GRM5: variants seen among roughly 807,000 people sequenced by gnomAD.
The protein encoded by GRM5 is metabotropic glutamate receptor 5.
A neutral mutation model predicts 83.1 loss-of-function variants in GRM5; 19 were observed. The ratio of observed to expected loss-of-function variants is 0.23; its 90% CI spans 0.16 to 0.34. The LOEUF (loss-of-function observed/expected upper bound fraction) is 0.34, where lower values mean the gene tolerates loss of function less well. Among genes scored for constraint, GRM5 ranks in the 10% least tolerant of loss-of-function variants. The pLI is 1.00. For missense variants in GRM5, 1,160 were observed against 1,588.3 expected (o/e 0.73, Z 4.58); for synonymous variants, 675 against 633.6 (o/e 1.07, Z -0.98).
At chr11:88,800,127 G>C (rs1486031025) in intron 3 of GRM5, among the ~76,000 whole-genome samples, 1 of 152,150 alleles carries the variant, frequency 6.6e-6, no homozygotes, top group African/African-American at 2.4e-5. Context: ...AAACCTCGGG[G>C]CTGGCAGGGA....
intron 3 of GRM5, among the ~76,000 whole-genome samples, chr11:88,826,747 T>A (rs2135515319): frequency 6.6e-6 from 1 of 152,252 alleles, no homozygotes; most frequent in Non-Finnish European, 1.5e-5. Flanking sequence ...GAATGCATGG[T>A]AACAAATTCT....
chr11:88,688,328 A>C (rs920144947), intron 3 of GRM5, among the ~76,000 whole-genome samples: 1 of 152,222 alleles, frequency 6.6e-6, no homozygotes, highest in African/African-American at 2.4e-5. Flanking sequence ...TTAATATTAA[A>C]TCATTTTATT....
intron 2 of GRM5, among the ~76,000 whole-genome samples, chr11:88,933,338 A>G (rs1937779269): frequency 1.3e-5 from 2 of 151,832 alleles, no homozygotes; most frequent in East Asian, 1.9e-4. Flanking sequence ...GTGAAAGTAC[A>G]TAAGCTGGAG....
intron 2 of GRM5, among the ~76,000 whole-genome samples, chr11:88,852,877 T>A (rs1378447843): frequency 3.3e-5 from 5 of 152,082 alleles, no homozygotes; most frequent in Non-Finnish European, 7.4e-5. Context: ...ATTCTATAAT[T>A]ATACATTTTA....
At chr11:88,917,734 G>A (rs1459487461) in intron 2 of GRM5, among the ~76,000 whole-genome samples, 1 of 152,086 alleles carries the variant, frequency 6.6e-6, no homozygotes, top group Non-Finnish European at 1.5e-5. Context: ...CAGAATGGAT[G>A]AAGGAGAAGA....
intron 3 of GRM5, among the ~76,000 whole-genome samples, chr11:88,740,604 C>T (rs926676208): frequency 3.9e-5 from 6 of 152,082 alleles, no homozygotes; most frequent in Admixed American, 1.3e-4. Context: ...ATTACTCCAC[C>T]AGAGTGACAG....
At chr11:88,954,629 A>G (rs2135683689) in intron 2 of GRM5, among the ~76,000 whole-genome samples, 2 of 152,316 alleles carry the variant, frequency 1.3e-5, no homozygotes, top group South Asian at 4.1e-4. Context: ...TGGCTGGTGC[A>G]ACAGAGAAAC....
At chr11:88,821,366 A>G (rs1179058985) in intron 3 of GRM5, among the ~76,000 whole-genome samples, 1 of 149,312 alleles carries the variant, frequency 6.7e-6, no homozygotes, top group Non-Finnish European at 1.5e-5. Flanking sequence ...AAAAAAAGAA[A>G]AAAGAAAAAA....
intron 2 of GRM5, among the ~76,000 whole-genome samples, chr11:88,904,552 T>G (rs964193318): frequency 1.3e-5 from 2 of 152,170 alleles, no homozygotes; most frequent in Non-Finnish European, 2.9e-5. Flanking sequence ...TTTTAAACAC[T>G]GGAAATAGCT....
chr11:88,616,480 C>A (rs1438021982), intron 4 of GRM5, among the ~76,000 whole-genome samples: 2 of 123,564 alleles, frequency 1.6e-5, no homozygotes, highest in African/African-American at 3.1e-5. Context: ...GAAAATAGAA[C>A]AACAGTGGAA....
chr11:88,611,095 ATGTGCTTCTGAATTC>A (rs929000231), intron 4 of GRM5, among the ~76,000 whole-genome samples: 1 of 152,128 alleles, frequency 6.6e-6, no homozygotes, highest in African/African-American at 2.4e-5. Context: ...TAACATTTTC[ATGTGCTTCTGAATTC>A]TGTTTGCTAG....
At chr11:88,629,074 A>G (rs1938885815) in intron 4 of GRM5, among the ~76,000 whole-genome samples, 1 of 152,144 alleles carries the variant, frequency 6.6e-6, no homozygotes, top group South Asian at 2.1e-4. Flanking sequence ...AAGGAAATGG[A>G]TTTGCTGAAC....
chr11:88,958,637 C>A (rs1310138673), intron 2 of GRM5, among the ~76,000 whole-genome samples: 1 of 152,024 alleles, frequency 6.6e-6, no homozygotes, highest in Non-Finnish European at 1.5e-5. Context: ...TTAAGATAAA[C>A]CATTATAGTT....
At chr11:89,017,865 C>T (rs1388666658) in intron 2 of GRM5, among the ~76,000 whole-genome samples, 1 of 152,056 alleles carries the variant, frequency 6.6e-6, no homozygotes, top group Non-Finnish European at 1.5e-5. Context: ...ATAAGTGACC[C>T]AAGCATTTAG....
chr11:88,778,632 A>G (rs10501683), intron 3 of GRM5, among the ~76,000 whole-genome samples: 17,211 of 152,158 alleles, frequency 0.11, 2,138 homozygotes, highest in African/African-American at 0.31. Flanking sequence ...AATACTTAAA[A>G]CTATGAATTG....
At chr11:88,515,064 A>C (rs898853099) in intron 9 of GRM5, among the ~76,000 whole-genome samples, 4 of 152,056 alleles carry the variant, frequency 2.6e-5, no homozygotes, top group Admixed American at 6.6e-5. Flanking sequence ...CTTTGGTTTA[A>C]CAGCAACAGG....
intron 2 of GRM5, among the ~76,000 whole-genome samples, chr11:88,873,626 G>A (rs1944804261): frequency 6.6e-6 from 1 of 151,462 alleles, no homozygotes; most frequent in Admixed American, 6.6e-5. Context: ...GAGTAATGAA[G>A]AAATTGTGAA....
rs192585670 is a variant in GRM5 at position 88,923,488 on chromosome 11, A to G, written c.662-73333T>C. Among the ~76,000 whole-genome samples the G allele has an allele frequency of 6.0e-3, 921 of 152,306 alleles. 8 individuals are homozygous for G. Among genetic ancestry groups the G allele is most frequent in the African/African-American group, 0.021 (882 of 41,580 alleles). ...ATGTTCTCACTCATTTGCAGGGGCA[A>G]AAAATTGAAATAATTGAATTCATAG... On this transcript the variant is annotated intron_variant, in intron 2 of 9. Transcript: ENST00000305447.
Position 88,565,468 on chromosome 11 carries a change from G to A in GRM5, c.2630+1585C>T, listed in dbSNP as rs192400048. Among the ~76,000 whole-genome samples, 258 of 152,314 alleles carry A rather than the reference G, an allele frequency of 1.7e-3. 2 individuals carry two copies. Among genetic ancestry groups the A allele is most frequent in the Non-Finnish European group, 2.0e-3 (135 of 68,036 alleles). ...TGAGTTTTTTACGTGCTCAGACATA[G>A]ACTCACAATTCCCTTCCTCCATCAA... is the stretch of plus-strand genomic sequence containing the variant. On this transcript the variant is annotated intron_variant, in intron 8 of 9. Transcript: ENST00000305447.
Sources: allele counts gnomAD v4.1 joint callset (sites outside exome capture counted in the v4.1 genomes callset), GRCh38; gene constraint gnomAD v4.1.1; transcripts MANE v1.5; gene names NCBI Gene and HGNC (gene_info 2026-07-23, HGNC 2026-07-21).